Variants in COL25A1 observed in about 807,000 individuals in gnomAD.
COL25A1 encodes the protein collagen type XXV alpha 1 chain, also known as collagen alpha-1(XXV) chain.
A neutral mutation model predicts 128.4 loss-of-function variants in COL25A1; 103 were observed. The ratio of observed to expected loss-of-function variants is 0.80; its 90% CI spans 0.68 to 0.94. COL25A1 has a LOEUF of 0.94. COL25A1 is among the 40% of genes least tolerant of loss of function. COL25A1 has a pLI of 0.00. For missense variants in COL25A1, 745 were observed against 840.0 expected (o/e 0.89, Z 1.40); for synonymous variants, 279 against 277.2 (o/e 1.01, Z -0.06).
At chr4:108,843,148 CAAAAAA>C (rs540931971) in intron 30 of COL25A1, among the ~76,000 whole-genome samples, 4 of 88,298 alleles carry the variant, frequency 4.5e-5, no homozygotes, top group Admixed American at 2.8e-4. Flanking sequence ...GACCCTGTCT[CAAAAAA>C]AAAAAAAAAA....
At chr4:108,846,332 G>C in intron 27 of COL25A1, 113 bp from the exon 28 acceptor site, 1 of 717,462 alleles carries the variant, frequency 1.4e-6, no homozygotes, top group Non-Finnish European at 2.5e-6. Context: ...TCAATGTTGA[G>C]ATGATTCTGA....
chr4:109,129,438 T>C (rs529893860), intron 3 of COL25A1, among the ~76,000 whole-genome samples: 2 of 152,148 alleles, frequency 1.3e-5, no homozygotes, highest in Non-Finnish European at 2.9e-5. Flanking sequence ...CCTTGTCAAA[T>C]AATTTCTATA....
At position 109,126,214 on chromosome 4, in the gene COL25A1, T is replaced by C. The variant is rs1036143141; in HGVS notation, c.368-76035A>G. 3.3e-5 allele frequency among the ~76,000 whole-genome samples: 5 copies of C among 152,196 alleles called. No individual in the cohort carries two copies. In the South Asian group the frequency reaches 1.0e-3, roughly 31 times the overall value. On this transcript the variant is annotated intron_variant, in intron 3 of 37. Coordinates refer to ENST00000399132, the MANE Select transcript of COL25A1 (RefSeq NM_198721.4). ...AAAGCATGCAAATGAAAAACATACT[T>C]TCTTGATAAATGTTGACATTTTTTT...
chr4:108,974,354 G>A lies in COL25A1; in HGVS notation c.492+13C>T, dbSNP rs1176049090. 1.9e-6 allele frequency: 3 copies of A among 1,613,732 alleles called. No homozygotes were observed. Among genetic ancestry groups the A allele is most frequent in the East Asian group, 4.5e-5 (2 of 44,866 alleles). ...ACTAATTTTCCGCCCAAGATAGGTA[G>A]AGCACAACTTACCCTAGGTCCCTGA... On this transcript the variant is annotated intron_variant, in intron 8 of 37. Transcript: ENST00000399132.
At chr4:109,175,059 C>T (rs1003331303) in intron 3 of COL25A1, among the ~76,000 whole-genome samples, 1 of 152,084 alleles carries the variant, frequency 6.6e-6, no homozygotes, top group African/African-American at 2.4e-5. Flanking sequence ...AGTTTTGTGC[C>T]CAAACCATTG....
At chr4:109,289,493 G>A (rs1230383274) in intron 3 of COL25A1, among the ~76,000 whole-genome samples, 1 of 152,026 alleles carries the variant, frequency 6.6e-6, no homozygotes. Flanking sequence ...TTGAAATGTA[G>A]GAGAAATATT....
At position 109,301,591 on chromosome 4, in the gene COL25A1, A is replaced by C. The variant is rs141047281; in HGVS notation, c.297+132T>G. 2,740 of 980,158 alleles carry C rather than the reference A, an allele frequency of 2.8e-3. 7 individuals carry two copies. Among genetic ancestry groups the C allele is most frequent in the Non-Finnish European group, 3.7e-3 (2,404 of 653,814 alleles). 60.7% of individuals were successfully genotyped at this position (980,158 alleles called of 1,614,324 possible). A position where few individuals can be genotyped will look rare whatever the true frequency, so the allele number is the denominator to read the frequency against. On this transcript the variant is annotated intron_variant, in intron 2 of 37. Transcript: ENST00000399132. ...CTACAGTGAGCATAGATCCTTGGCC[A>C]ACACATGCACGCGCGCGCACACACA...
intron 3 of COL25A1, among the ~76,000 whole-genome samples, chr4:109,099,691 A>T (rs956046031): frequency 6.6e-6 from 1 of 151,894 alleles, no homozygotes; most frequent in Non-Finnish European, 1.5e-5. Context: ...ATCCCAAAAC[A>T]CCATAAATTA....
chr4:109,195,623 C>T (rs1388486776), intron 3 of COL25A1, among the ~76,000 whole-genome samples: 2 of 151,914 alleles, frequency 1.3e-5, no homozygotes, highest in Non-Finnish European at 1.5e-5. Context: ...CTAGACTCAC[C>T]GAAGTAAAGT....
chr4:109,010,641 T>G (rs977188173), intron 5 of COL25A1, among the ~76,000 whole-genome samples: 1 of 152,124 alleles, frequency 6.6e-6, no homozygotes, highest in African/African-American at 2.4e-5. Context: ...AAAATTTAAT[T>G]GGAAAAAGAG....
At chr4:108,822,260 T>G (rs911080330) in intron 35 of COL25A1, among the ~76,000 whole-genome samples, 1 of 151,906 alleles carries the variant, frequency 6.6e-6, no homozygotes, top group Non-Finnish European at 1.5e-5. Context: ...GCCAGGCTGG[T>G]CTCAAACTCC....
At chr4:109,286,758 A>C (rs1723929693) in intron 3 of COL25A1, among the ~76,000 whole-genome samples, 1 of 152,176 alleles carries the variant, frequency 6.6e-6, no homozygotes. Context: ...AATAATGGGA[A>C]GGTTGAAAAT....
intron 37 of COL25A1, 103 bp from the exon 38 acceptor site, chr4:108,814,032 A>G: frequency 3.5e-6 from 3 of 866,722 alleles, no homozygotes; most frequent in Non-Finnish European, 5.7e-6. Flanking sequence ...AACCTTGAAT[A>G]GAGTCTATAA....
chr4:108,889,778 A>G (rs1027812407), intron 16 of COL25A1, 45 bp from the exon 17 acceptor site: 4 of 1,564,356 alleles, frequency 2.6e-6, no homozygotes, highest in African/African-American at 2.7e-5. Flanking sequence ...TTATGGGAAT[A>G]GGAAACATCA....
chr4:109,124,753 A>T (rs763717190), intron 3 of COL25A1, among the ~76,000 whole-genome samples: 9 of 152,180 alleles, frequency 5.9e-5, no homozygotes, highest in Middle Eastern at 6.8e-3. Flanking sequence ...GAGCAAAACA[A>T]AGAATTATAT....
At position 109,048,164 on chromosome 4, in the gene COL25A1, T is replaced by G; in HGVS notation, c.420+4A>C. 6.2e-7 allele frequency: 1 copy of G among 1,612,784 alleles called. No individual in the cohort carries two copies. The highest frequency in any genetic ancestry group is 8.5e-7 in the Non-Finnish European group (1 of 1,179,008). On this transcript the variant is annotated splice_donor_region_variant and intron_variant, in intron 5 of 37. Transcript: ENST00000399132. ...ACAAGCCAAAGTGCAGCAAACATAC[T>G]TACAGGAGGACCTATGGGGGGAGCA...
At chr4:109,009,809 T>C (rs1368876814) in intron 6 of COL25A1, among the ~76,000 whole-genome samples, 1 of 152,216 alleles carries the variant, frequency 6.6e-6, no homozygotes, top group Non-Finnish European at 1.5e-5. Context: ...TCATGCCACA[T>C]TCCTCCCCTT....
chr4:108,957,453 A>G (rs1391489022), intron 8 of COL25A1, among the ~76,000 whole-genome samples: 1 of 152,220 alleles, frequency 6.6e-6, no homozygotes, highest in African/African-American at 2.4e-5. Context: ...CATGAGCTTC[A>G]GTGTTTCTAT....
At chr4:109,279,105 G>C (rs1367695302) in intron 3 of COL25A1, among the ~76,000 whole-genome samples, 1 of 140,394 alleles carries the variant, frequency 7.1e-6, no homozygotes, top group East Asian at 2.1e-4. Flanking sequence ...TAACATATGA[G>C]TTTTGGGCGG....
Sources: allele counts gnomAD v4.1 joint callset (sites outside exome capture counted in the v4.1 genomes callset), GRCh38; gene constraint gnomAD v4.1.1; transcripts MANE v1.5; gene names NCBI Gene and HGNC (gene_info 2026-07-23, HGNC 2026-07-21).